Variants in MFSD2A observed in about 807,000 individuals in gnomAD.
MFSD2A encodes the protein sodium-dependent lysophosphatidylcholine symporter 1.
Under a neutral mutation model 64.7 loss-of-function variants are expected in MFSD2A, and 27 were observed. The ratio of observed to expected loss-of-function variants is 0.42; its 90% CI spans 0.31 to 0.58. The LOEUF is 0.58. Among genes scored for constraint, MFSD2A ranks in the 20% least tolerant of loss-of-function variants. MFSD2A has a pLI of 0.18. For synonymous variants in MFSD2A, 258 were observed against 273.4 expected (o/e 0.94, Z 0.55); for missense variants, 474 against 679.5 (o/e 0.70, Z 3.36).
Position 39,965,728 on chromosome 1 carries a change from G to A in MFSD2A, c.557-129G>A, listed in dbSNP as rs550727221. 1.5e-4 allele frequency: 191 copies of A among 1,291,478 alleles called. No individual in the cohort carries two copies. The African/African-American group carries it at 2.5e-3, about 17-fold the overall frequency. The allele number at this position is 1,291,478 out of a possible 1,614,324, so 80.0% of individuals were successfully genotyped here. On this transcript the variant is annotated intron_variant, in intron 5 of 13. Coordinates refer to ENST00000372811, the MANE Select transcript of MFSD2A (RefSeq NM_032793.5). This position sits in a 1 kb window ranked among gnomAD's most constrained non-coding sequence, Gnocchi z 5.5. ...AGAGGTGCATATGCGTTCAAACCAA[G>A]GTGTCACCTACCCCACTACCTCTAC...
rs1645221200 is a variant in MFSD2A at position 39,968,825 on chromosome 1, G to A, written c.1529+80G>A. The A allele has an allele frequency of 1.3e-6, 2 of 1,491,700 alleles. No individual in the cohort carries two copies. Among genetic ancestry groups the A allele is most frequent in the African/African-American group, 2.8e-5 (2 of 72,526 alleles). 92.4% of individuals were successfully genotyped at this position (1,491,700 alleles called of 1,614,324 possible). ...CTCAATTTGTGTCTCCTGTGGCCAA[G>A]TCCAGACTCACCCCCCACACATCTT... On this transcript the variant is annotated intron_variant, in intron 13 of 13. Transcript: ENST00000372811. This position sits in a 1 kb window ranked among gnomAD's most constrained non-coding sequence, Gnocchi z 4.4.
rs1223193517 is a variant in MFSD2A, at chr1:39,964,231, T to G, written c.354-980T>G. 4 of 152,248 alleles carry G rather than the reference T, an allele frequency of 2.6e-5. No homozygotes were observed. The East Asian group carries it at 7.7e-4, about 29-fold the overall frequency. The allele number at this position is 152,248 out of a possible 1,614,324, so 9.4% of individuals were successfully genotyped here. A position where few individuals can be genotyped will look rare whatever the true frequency, so the allele number is the denominator to read the frequency against. On this transcript the variant is annotated intron_variant, in intron 3 of 13. Transcript: ENST00000372811. The surrounding 1 kb of genome is among the most constrained non-coding windows in gnomAD (Gnocchi z 4.1). ...TGAATGGTATATATAACTTTTAAAT[T>G]ATGTCAACTTTTCTGTTTGCCAACT... is the stretch of plus-strand genomic sequence containing the variant.
In MFSD2A at chr1:39,968,058, T is replaced by C. The variant is rs1296675459; in HGVS notation, c.1208+142T>C. On this transcript the variant is annotated intron_variant, in intron 11 of 13. Transcript: ENST00000372811. This position sits in a 1 kb window ranked among gnomAD's most constrained non-coding sequence, Gnocchi z 4.4. ...TTAGGAGTGGGGGAGGTCTGTCCTG[T>C]ACAGTTGTACAGGTAGTGAGCTTTG... 1.9e-5 allele frequency: 12 copies of C among 640,832 alleles called. No homozygotes were observed. The highest frequency in any genetic ancestry group is 3.0e-5 in the Non-Finnish European group (11 of 371,900). 39.7% of individuals were successfully genotyped at this position (640,832 alleles called of 1,614,324 possible).
In MFSD2A at chr1:39,965,088, T is replaced by TG; in HGVS notation, c.354-119dup. ...AGGATGGGTGGATTTGGCAGGAGTA[T>TG]GGGGAAGGAAGGAAGAGCTTAGCTT... On this transcript the variant is annotated intron_variant, in intron 3 of 13. Coordinates refer to ENST00000372811, the MANE Select transcript of MFSD2A (RefSeq NM_032793.5). The surrounding 1 kb of genome is among the most constrained non-coding windows in gnomAD (Gnocchi z 5.5). 9 of 1,366,756 alleles carry TG rather than the reference T, an allele frequency of 6.6e-6. 1 individual carries two copies. In the South Asian group the frequency reaches 1.1e-4, roughly 16 times the overall value. The allele number at this position is 1,366,756 out of a possible 1,614,324, so 84.7% of individuals were successfully genotyped here. A position where few individuals can be genotyped will look rare whatever the true frequency, so the allele number is the denominator to read the frequency against.
chr1:39,961,016 T>C (rs1440995148), intron 3 of MFSD2A, among the ~76,000 whole-genome samples: 3 of 152,158 alleles, frequency 2.0e-5, no homozygotes, highest in African/African-American at 7.2e-5. Flanking sequence ...GGTCTGGCTA[T>C]GTTGCTCAGG....
rs1183306009 is a variant in MFSD2A at position 39,960,841 on chromosome 1, TG to T, written c.353+2021del. Among the ~76,000 whole-genome samples, 1 of 152,152 alleles carries T rather than the reference TG, an allele frequency of 6.6e-6. No homozygotes were observed. Among genetic ancestry groups the T allele is most frequent in the Non-Finnish European group, 1.5e-5 (1 of 68,006 alleles). On this transcript the variant is annotated intron_variant, in intron 3 of 13. Coordinates refer to ENST00000372811, the MANE Select transcript of MFSD2A (RefSeq NM_032793.5). The surrounding 1 kb of genome is among the most constrained non-coding windows in gnomAD (Gnocchi z 4.8). ...GTGGCAGCCAGTTTGGGGAAGTTGCTGGGGGCCCTTCAGGCTGGTTTCTGAT... is the reference window on the plus strand; with the variant it reads ...GTGGCAGCCAGTTTGGGGAAGTTGCTGGGGCCCTTCAGGCTGGTTTCTGAT...
At chr1:39,956,517 C>T (rs1644932015) in intron 1 of MFSD2A, among the ~76,000 whole-genome samples, 1 of 152,110 alleles carries the variant, frequency 6.6e-6, no homozygotes. Flanking sequence ...AGCATGCTCC[C>T]CCTGAAACCT....
chr1:39,965,576 C>T lies in MFSD2A; in HGVS notation c.556+27C>T, dbSNP rs769680710. The T allele has an allele frequency of 1.2e-6, 2 of 1,609,900 alleles. No homozygotes were observed. Among genetic ancestry groups the T allele is most frequent in the Non-Finnish European group, 1.7e-6 (2 of 1,176,228 alleles). On this transcript the variant is annotated intron_variant, in intron 5 of 13. Coordinates refer to ENST00000372811, the MANE Select transcript of MFSD2A (RefSeq NM_032793.5). This position sits in a 1 kb window ranked among gnomAD's most constrained non-coding sequence, Gnocchi z 5.5. Reference sequence around the variant, plus strand: ...TGAGTCTCCCCAGCCCACCTGACCCCACCCTCCAGGGACCCTCCAGCCATA... The same window carrying T: ...TGAGTCTCCCCAGCCCACCTGACCCTACCCTCCAGGGACCCTCCAGCCATA...
chr1:39,965,498 A>G lies in MFSD2A; in HGVS notation c.505A>G (p.Thr169Ala). Residue 169 changes from threonine to alanine, a missense_variant, in exon 5 of 14, where the codon ACC (threonine) becomes GCC (alanine). Thr to Ala is a moderately conservative substitution (Grantham distance 58, BLOSUM62 0). Transcript: ENST00000372811. The surrounding 1 kb of genome is among the most constrained non-coding windows in gnomAD (Gnocchi z 5.5). ...TTTCCATGTTCCCTACTCGGCTCTC[A>G]CCATGTTCATCAGCACCGAGCAGAC... is the stretch of plus-strand genomic sequence containing the variant. ...TCFHVPYSALTMFISTEQTER... is the reference protein window; with the variant it reads ...TCFHVPYSALAMFISTEQTER... The G allele has an allele frequency of 1.2e-6, 2 of 1,613,732 alleles. No individual in the cohort carries two copies. The highest frequency in any genetic ancestry group is 8.5e-7 in the Non-Finnish European group (1 of 1,179,944).
chr1:39,955,428 A>T lies in MFSD2A; in HGVS notation c.93+43A>T. ...CGCGTGGAGGGCGAGGGGAGGGAGG[A>T]GGCGGAAATGGGGGATCAGGGGCGT... On this transcript the variant is annotated intron_variant, in intron 1 of 13. Coordinates refer to ENST00000372811, the MANE Select transcript of MFSD2A (RefSeq NM_032793.5). This position sits in a 1 kb window ranked among gnomAD's most constrained non-coding sequence, Gnocchi z 5.9. 1 of 1,497,234 alleles carries T rather than the reference A, an allele frequency of 6.7e-7. No individual in the cohort carries two copies. The highest frequency in any genetic ancestry group is 2.3e-5 in the Admixed American group (1 of 43,484). The allele number at this position is 1,497,234 out of a possible 1,614,324, so 92.7% of individuals were successfully genotyped here.
At position 39,963,689 on chromosome 1, in the gene MFSD2A, T is replaced by G. The variant is rs1645093877; in HGVS notation, c.354-1522T>G. ...TGTCGGTTCTCTAATATTTCTTTTTTGGGCAGTGCAGTTTTAACATTCCAC... is the reference window on the plus strand; with the variant it reads ...TGTCGGTTCTCTAATATTTCTTTTTGGGGCAGTGCAGTTTTAACATTCCAC... On this transcript the variant is annotated intron_variant, in intron 3 of 13. Transcript: ENST00000372811. This position sits in a 1 kb window ranked among gnomAD's most constrained non-coding sequence, Gnocchi z 4.2. Among the ~76,000 whole-genome samples the G allele has an allele frequency of 1.3e-5, 2 of 152,222 alleles. No individual in the cohort carries two copies. Among genetic ancestry groups the G allele is most frequent in the South Asian group, 4.1e-4 (2 of 4,832 alleles).
intron 2 of MFSD2A, among the ~76,000 whole-genome samples, chr1:39,957,435 C>A (rs1644954646): frequency 6.6e-6 from 1 of 152,224 alleles, no homozygotes; most frequent in African/African-American, 2.4e-5. Context: ...CTGGAAAGGT[C>A]TGGCAACTCC....
Position 39,958,874 on chromosome 1 carries a change from A to G in MFSD2A, c.353+49A>G. On this transcript the variant is annotated intron_variant, in intron 3 of 13. Transcript: ENST00000372811. This position sits in a 1 kb window ranked among gnomAD's most constrained non-coding sequence, Gnocchi z 4.7. ...GGTGGCACAAGGCAGGACTTCCAGCATATCTGCTCCTTGGTCCTTCTCTCT... is the reference window on the plus strand; with the variant it reads ...GGTGGCACAAGGCAGGACTTCCAGCGTATCTGCTCCTTGGTCCTTCTCTCT... 6.5e-7 allele frequency: 1 copy of G among 1,529,648 alleles called. No homozygotes were observed. Among genetic ancestry groups the G allele is most frequent in the Non-Finnish European group, 8.8e-7 (1 of 1,135,454 alleles). 94.8% of individuals were successfully genotyped at this position (1,529,648 alleles called of 1,614,324 possible).
In MFSD2A at chr1:39,958,735, TG is replaced by T; in HGVS notation, c.266del (p.Gly89AlafsTer99). On this transcript the variant is annotated frameshift_variant, in exon 3 of 14. Transcript: ENST00000372811. LOFTEE classifies it high-confidence loss of function. The surrounding 1 kb of genome is among the most constrained non-coding windows in gnomAD (Gnocchi z 4.7). ...GPFSASIILF[V>X]GRAWDAITDP... ...TTCTCTGCCTCCATCATCCTGTTTG[TG>T]GGCCGAGCCTGGGATGCCATCACAG... 6 of 1,614,148 alleles carry T rather than the reference TG, an allele frequency of 3.7e-6. No individual in the cohort carries two copies. The highest frequency in any genetic ancestry group is 5.1e-6 in the Non-Finnish European group (6 of 1,180,014).
At position 39,965,620 on chromosome 1, in the gene MFSD2A, C is replaced by T; in HGVS notation, c.556+71C>T. On this transcript the variant is annotated intron_variant, in intron 5 of 13. Coordinates refer to ENST00000372811, the MANE Select transcript of MFSD2A (RefSeq NM_032793.5). The surrounding 1 kb of genome is among the most constrained non-coding windows in gnomAD (Gnocchi z 5.5). The stretch of plus-strand genomic sequence containing the variant: ...AGCCATACTTCTTCCCTTGCGGGTC[C>T]AGCTCTTTGCTCTGCTCTAGAGTGT... The T allele has an allele frequency of 6.7e-7, 1 of 1,489,802 alleles. No homozygotes were observed. The highest frequency in any genetic ancestry group is 9.4e-7 in the Non-Finnish European group (1 of 1,068,702). The allele number at this position is 1,489,802 out of a possible 1,614,324, so 92.3% of individuals were successfully genotyped here. A position where few individuals can be genotyped will look rare whatever the true frequency, so the allele number is the denominator to read the frequency against.
At position 39,965,992 on chromosome 1, in the gene MFSD2A, G is replaced by C; in HGVS notation, c.692G>C (p.Gly231Ala). ...VASQSANHTH[G>A]TTSHRETQKA... The stretch of plus-strand genomic sequence containing the variant: ...TCACAAAGTGCCAACCATACACATG[G>C]CACCACCTCACACAGGGAAACGGTG... The change falls in exon 6 of 14, where the codon GGC (glycine) becomes GCC (alanine). Residue 231 changes from glycine to alanine, a missense_variant. Physicochemically the swap from Gly to Ala is moderately conservative, Grantham distance 60. Coordinates refer to ENST00000372811, the MANE Select transcript of MFSD2A (RefSeq NM_032793.5). This position sits in a 1 kb window ranked among gnomAD's most constrained non-coding sequence, Gnocchi z 5.5. The C allele has an allele frequency of 6.2e-7, 1 of 1,614,180 alleles. No individual in the cohort carries two copies. Among genetic ancestry groups the C allele is most frequent in the African/African-American group, 1.3e-5 (1 of 75,038 alleles).
rs756340565 is a variant in MFSD2A, at chr1:39,965,990, T to C, written c.690T>C (p.His230=). 4 of 1,613,932 alleles carry C rather than the reference T, an allele frequency of 2.5e-6. No individual in the cohort carries two copies. Among genetic ancestry groups the C allele is most frequent in the South Asian group, 2.2e-5 (2 of 91,082 alleles). The change falls in exon 6 of 14, where the codon CAT becomes CAC. Residue 230 remains histidine, a synonymous_variant. Transcript: ENST00000372811. The surrounding 1 kb of genome is among the most constrained non-coding windows in gnomAD (Gnocchi z 5.5). ...TVASQSANHT[H]GTTSHRETQK... is the part of the protein sequence containing the mutation. ...CTTCACAAAGTGCCAACCATACACA[T>C]GGCACCACCTCACACAGGGAAACGG...
rs763498358 is a variant in MFSD2A at position 39,962,711 on chromosome 1, C to T, written c.354-2500C>T. ...GCTGCGGAGCTTGCTGAGGCAAGGC[C>T]GAGGATAAGGAGTGGATGCCTGTCA... On this transcript the variant is annotated intron_variant, in intron 3 of 13. Transcript: ENST00000372811. 10 of 790,122 alleles carry T rather than the reference C, an allele frequency of 1.3e-5. No homozygotes were observed. The African/African-American group carries it at 1.5e-4, about 12-fold the overall frequency. 48.9% of individuals were successfully genotyped at this position (790,122 alleles called of 1,614,324 possible).
In MFSD2A at chr1:39,962,895, C is replaced by T. The variant is rs956243564; in HGVS notation, c.354-2316C>T. 4.4e-5 allele frequency: 70 copies of T among 1,574,904 alleles called. No individual in the cohort carries two copies. In the Admixed American group the frequency reaches 7.6e-4, roughly 17 times the overall value. On this transcript the variant is annotated intron_variant, in intron 3 of 13. Transcript: ENST00000372811. ...GATTATGCCAGTGCAGAAGCAGACC[C>T]GTGCCGGCCAGCGCACCAGGTTCAA...
Sources: allele counts gnomAD v4.1 joint callset (sites outside exome capture counted in the v4.1 genomes callset), GRCh38; gene constraint gnomAD v4.1.1; non-coding constraint Gnocchi (gnomAD v3.1); transcripts MANE v1.5; gene names NCBI Gene and HGNC (gene_info 2026-07-23, HGNC 2026-07-21).